ASMTL: variants seen among roughly 807,000 people sequenced by gnomAD.
ASMTL encodes the protein probable bifunctional dTTP/UTP pyrophosphatase/methyltransferase protein.
Under a neutral mutation model 60.3 loss-of-function variants are expected in ASMTL, and 57 were observed. The ratio of observed to expected loss-of-function variants is 0.95; its 90% CI spans 0.76 to 1.18. ASMTL has a LOEUF of 1.18. ASMTL is among the 50% of genes most tolerant of loss of function. ASMTL has a pLI of 0.00. For synonymous variants in ASMTL, 419 were observed against 373.0 expected (o/e 1.12, Z -1.42); for missense variants, 981 against 852.6 (o/e 1.15, Z -1.88).
chrX:1,412,988 C>G lies in ASMTL; in HGVS notation c.1523-134G>C. On this transcript the variant is annotated intron_variant, in intron 11 of 12. Transcript: ENST00000381317. ...AGGGGTGTGGGCGGGAATGGGTCTT[C>G]CTGAAGTACATCCCCGTGGGGACTT... 4 of 947,004 alleles carry G rather than the reference C, an allele frequency of 4.2e-6. No individual in the cohort carries two copies. In the South Asian group the frequency reaches 5.7e-5, roughly 14 times the overall value. 58.7% of individuals were successfully genotyped at this position (947,004 alleles called of 1,614,324 possible).
At chrX:1,411,162 C>T (rs866341391) in intron 12 of ASMTL, among the ~76,000 whole-genome samples, 16 of 151,596 alleles carry the variant, frequency 1.1e-4, no homozygotes, top group South Asian at 2.1e-4. Context: ...CCAGCCTGGG[C>T]GACAGAGCGA....
Position 1,425,660 on chromosome X carries a change from C to A in ASMTL, c.925G>T (p.Val309Leu). The A allele has an allele frequency of 1.2e-6, 2 of 1,613,676 alleles. No individual in the cohort carries two copies. The highest frequency in any genetic ancestry group is 1.7e-6 in the Non-Finnish European group (2 of 1,179,802). Reference sequence around the variant, plus strand: ...GCTTCATCTTTTAACAAATCGAACACCTTCAGTTTGCAAGCGGTGAGCAGG... The same window carrying A: ...GCTTCATCTTTTAACAAATCGAACAACTTCAGTTTGCAAGCGGTGAGCAGG... Reference protein sequence around the residue: ...KGLLTACKLKVFDLLKDEAPQ... With the variant: ...KGLLTACKLKLFDLLKDEAPQ... The change falls in exon 8 of 13, where the codon GTG (valine) becomes TTG (leucine). Residue 309 changes from valine to leucine, a missense_variant. Physicochemically the swap from Val to Leu is conservative, Grantham distance 32. Coordinates refer to ENST00000381317, the MANE Select transcript of ASMTL (RefSeq NM_004192.4).
intron 11 of ASMTL, among the ~76,000 whole-genome samples, chrX:1,415,070 A>C (rs2090186073): frequency 1.3e-5 from 2 of 151,852 alleles, no homozygotes; most frequent in East Asian, 3.9e-4. Flanking sequence ...CCTCCTGAAT[A>C]GGTGGGATTA....
At chrX:1,439,239 G>C in intron 2 of ASMTL, 95 bp from the exon 3 acceptor site, 1 of 1,302,576 alleles carries the variant, frequency 7.7e-7, no homozygotes, top group Non-Finnish European at 1.1e-6. Flanking sequence ...GCACCGCAGG[G>C]GCGAAGCCAG....
At chrX:1,443,825 ACCG>A (rs1251135189) in intron 1 of ASMTL, among the ~76,000 whole-genome samples, 7 of 146,860 alleles carry the variant, frequency 4.8e-5, no homozygotes, top group Non-Finnish European at 9.0e-5. Context: ...GTGGACACAC[ACCG>A]CCATTTTGGC....
chrX:1,415,453 C>CATT (rs2090205580), intron 11 of ASMTL, among the ~76,000 whole-genome samples: 1 of 132,062 alleles, frequency 7.6e-6, no homozygotes, highest in African/African-American at 2.8e-5. Context: ...TTTTATTTAT[C>CATT]ATTATTATTA....
intron 8 of ASMTL, among the ~76,000 whole-genome samples, chrX:1,424,440 G>A (rs1471342697): frequency 2.0e-5 from 2 of 98,536 alleles, no homozygotes; most frequent in Admixed American, 1.0e-4. Context: ...ACCCAGCCGT[G>A]CACCCATCCA....
intron 9 of ASMTL, among the ~76,000 whole-genome samples, chrX:1,420,702 G>T (rs1477382766): frequency 6.6e-6 from 1 of 152,250 alleles, no homozygotes; most frequent in Non-Finnish European, 1.5e-5. Context: ...TGCAGGGAGC[G>T]CTTTGCAAAC....
At chrX:1,407,044 AGATG>A (rs1235211739) in intron 12 of ASMTL, among the ~76,000 whole-genome samples, 84 of 22,260 alleles carry the variant, frequency 3.8e-3, no homozygotes, top group African/African-American at 9.9e-3. Flanking sequence ...ATGGGTAGGT[AGATG>A]GATGGATGGA....
chrX:1,453,187 CA>C (rs1328077005), upstream of ASMTL, among the ~76,000 whole-genome samples: 7 of 151,236 alleles, frequency 4.6e-5, no homozygotes, highest in East Asian at 1.9e-4. Context: ...GCCACACCTC[CA>C]TTGCCCTCTC....
intron 6 of ASMTL, 41 bp from the exon 7 acceptor site, chrX:1,428,162 A>G: frequency 1.9e-6 from 3 of 1,565,832 alleles, no homozygotes; most frequent in Non-Finnish European, 2.6e-6. Flanking sequence ...AAGGAGGAGA[A>G]AAGTTCCTGG....
chrX:1,415,217 A>AGGCGTGAGCCTGGGCATGTGGCCCG (rs2090195989), intron 11 of ASMTL, among the ~76,000 whole-genome samples: 1 of 152,042 alleles, frequency 6.6e-6, no homozygotes, highest in Non-Finnish European at 1.5e-5. Context: ...CTGGGATTCC[A>AGGCGTGAGCCTGGGCATGTGGCCCG]GGCGTCTCCT....
At chrX:1,442,009 T>C in intron 2 of ASMTL, 177 bp downstream of exon 2, 2 of 688,532 alleles carry the variant, frequency 2.9e-6, no homozygotes, top group South Asian at 3.8e-5. Context: ...GTATCATTAA[T>C]GGTATTATTA....
intron 11 of ASMTL, among the ~76,000 whole-genome samples, chrX:1,416,590 TACAC>T (rs200540310): frequency 0.15 from 19,176 of 125,732 alleles, 1,335 homozygotes; most frequent in Admixed American, 0.18. Context: ...CACACAGACA[TACAC>T]ACATATACCC....
intron 1 of ASMTL, among the ~76,000 whole-genome samples, chrX:1,445,696 A>T (rs2050820608): frequency 6.6e-6 from 1 of 152,208 alleles, no homozygotes; most frequent in Non-Finnish European, 1.5e-5. Context: ...CGAGAAAGTT[A>T]TACCAGATAT....
intron 2 of ASMTL, 172 bp from the exon 3 acceptor site, chrX:1,439,316 G>A (rs1198768731): frequency 1.2e-5 from 2 of 165,716 alleles, no homozygotes; most frequent in African/African-American, 2.4e-5. Flanking sequence ...GGGTCCCGCC[G>A]GTGGTCGCCC....
intron 7 of ASMTL, among the ~76,000 whole-genome samples, chrX:1,426,172 C>G (rs1419453561): frequency 6.6e-6 from 1 of 152,010 alleles, no homozygotes; most frequent in African/African-American, 2.4e-5. Context: ...ATCTCCAAGC[C>G]CAGGAGAGAG....
intron 1 of ASMTL, among the ~76,000 whole-genome samples, chrX:1,446,656 C>T (rs1181967987): frequency 5.3e-5 from 8 of 152,116 alleles, no homozygotes; most frequent in South Asian, 2.1e-4. Context: ...CCCGCCACCA[C>T]GCCCGGCTAA....
intron 2 of ASMTL, chrX:1,441,457 A>G (rs2091105328): frequency 6.6e-6 from 1 of 152,148 alleles, no homozygotes; most frequent in South Asian, 2.1e-4. Context: ...TTGTATGTTT[A>G]GTAGAGACGG....
Sources: gnomAD v4.1 joint callset for allele counts (sites outside exome capture counted in the v4.1 genomes callset) on GRCh38, gnomAD v4.1.1 for gene constraint, MANE v1.5 for transcripts, NCBI Gene and HGNC (gene_info 2026-07-23, HGNC 2026-07-21) for gene names.